The following PTPN4 variants were observed in gnomAD, a reference collection of about 807,000 sequenced individuals.
The protein encoded by PTPN4 is tyrosine-protein phosphatase non-receptor type 4.
PTPN4 carries 49 observed loss-of-function variants against 135.5 expected under a neutral mutation model. The observed-to-expected ratio is 0.36, with a 90% confidence interval of 0.29 to 0.46. The LOEUF (loss-of-function observed/expected upper bound fraction) is 0.46, where lower values mean the gene tolerates loss of function less well. Among genes scored for constraint, PTPN4 ranks in the 20% least tolerant of loss-of-function variants. The pLI is 1.00. For missense variants in PTPN4, 860 were observed against 1,101.0 expected (o/e 0.78, Z 3.10); for synonymous variants, 333 against 369.9 (o/e 0.90, Z 1.14).
Position 119,932,586 on chromosome 2 carries a change from T to A in PTPN4, c.1196+37T>A, listed in dbSNP as rs764874668. ...TTTTGTGACCAACATCAGGTGTGAA[T>A]TTTGCTAATTTCTAATTATTGGCTG... On this transcript the variant is annotated intron_variant, in intron 14 of 26. Transcript: ENST00000263708. 3.1e-5 allele frequency: 47 copies of A among 1,536,196 alleles called. No homozygotes were observed. In the South Asian group the frequency reaches 5.5e-4, roughly 18 times the overall value.
intron 2 of PTPN4, among the ~76,000 whole-genome samples, chr2:119,837,733 C>T (rs183054539): frequency 6.6e-6 from 1 of 152,362 alleles, no homozygotes; most frequent in East Asian, 1.9e-4. Flanking sequence ...GAAACCCAGA[C>T]CTGTGACACC....
At chr2:119,837,264 T>G (rs1677308569) in intron 2 of PTPN4, among the ~76,000 whole-genome samples, 1 of 152,052 alleles carries the variant, frequency 6.6e-6, no homozygotes, top group Admixed American at 6.5e-5. Context: ...CCACTTTGGG[T>G]TAGGTCTCCT....
At chr2:119,856,161 G>T (rs183757271) in intron 2 of PTPN4, among the ~76,000 whole-genome samples, 13 of 152,160 alleles carry the variant, frequency 8.5e-5, no homozygotes, top group Non-Finnish European at 5.9e-5. Context: ...ACTCCCATCG[G>T]GACTTTCAAC....
intron 9 of PTPN4, among the ~76,000 whole-genome samples, chr2:119,886,118 C>G (rs565256787): frequency 6.6e-6 from 1 of 152,086 alleles, no homozygotes; most frequent in Non-Finnish European, 1.5e-5. Context: ...ATAATTTTTA[C>G]AGACCGTAAG....
chr2:119,915,189 G>A lies in PTPN4; in HGVS notation c.775G>A (p.Val259Ile), dbSNP rs532249736. ...TTGTCTTTTGTCCAGGTTGAAGATT[G>A]TAAAAATTTCTTTTAAGTGCAAACA... ...RMNTFPWLKI[V>I]KISFKCKQFF... Residue 259 changes from valine to isoleucine, a missense_variant, in exon 11 of 27, where the codon GTA becomes ATA. Val to Ile is a conservative substitution (Grantham distance 29, BLOSUM62 3). Around this residue, in one of 2 missense-constraint regions of PTPN4, gnomAD observed 684 missense variants for 807.0 expected, o/e 0.85. Transcript: ENST00000263708. 6 of 1,542,064 alleles carry A rather than the reference G, an allele frequency of 3.9e-6. No individual in the cohort carries two copies. In the South Asian group the frequency reaches 7.4e-5, roughly 19 times the overall value.
chr2:119,969,107 T>G (rs1229317666), intron 26 of PTPN4, among the ~76,000 whole-genome samples: 1 of 152,160 alleles, frequency 6.6e-6, no homozygotes, highest in Non-Finnish European at 1.5e-5. Flanking sequence ...CACTGCAGCC[T>G]CAGCCTCCCA....
chr2:119,946,301 G>A, intron 16 of PTPN4, 40 bp from the exon 17 acceptor site: 1 of 1,440,768 alleles, frequency 6.9e-7, no homozygotes, highest in Non-Finnish European at 9.6e-7. Flanking sequence ...TAGATTTTAA[G>A]TGAAGAAAAT....
chr2:119,763,666 A>C (rs891255315), intron 1 of PTPN4, among the ~76,000 whole-genome samples: 11 of 152,182 alleles, frequency 7.2e-5, no homozygotes, highest in Admixed American at 7.2e-4. Context: ...ACTTTATTGA[A>C]GTATAATTGA....
chr2:119,844,673 C>T (rs1278345483), intron 2 of PTPN4, among the ~76,000 whole-genome samples: 2 of 151,514 alleles, frequency 1.3e-5, no homozygotes, highest in African/African-American at 4.9e-5. Context: ...GGCAGAGATG[C>T]TCCTCACTTC....
chr2:119,826,620 C>G (rs1489083596), intron 2 of PTPN4, among the ~76,000 whole-genome samples: 1 of 152,150 alleles, frequency 6.6e-6, no homozygotes, highest in Non-Finnish European at 1.5e-5. Flanking sequence ...CAATCCCTCC[C>G]CTATCCCCCA....
intron 2 of PTPN4, among the ~76,000 whole-genome samples, chr2:119,844,996 A>G (rs1044530837): frequency 2.0e-4 from 30 of 150,066 alleles, no homozygotes; most frequent in African/African-American, 6.3e-4. Context: ...TCCATCTGCA[A>G]TCCCGGCACC....
chr2:119,937,955 A>G (rs1417865397), intron 15 of PTPN4, among the ~76,000 whole-genome samples: 1 of 150,298 alleles, frequency 6.7e-6, no homozygotes, highest in Non-Finnish European at 1.5e-5. Flanking sequence ...AAAAACCAAA[A>G]CCAAAAAAAA....
At position 119,920,242 on chromosome 2, in the gene PTPN4, G is replaced by GT; in HGVS notation, c.1001+2dup. On this transcript the variant is annotated splice_donor_variant, in intron 12 of 26. Transcript: ENST00000263708. LOFTEE classifies it high-confidence loss of function. ...CATTAGGTTCAAAATTCCGGTACTG[G>GT]TAAGTATTGCTTCTGTGTTAAGGCT... 1 of 1,604,140 alleles carries GT rather than the reference G, an allele frequency of 6.2e-7. No homozygotes were observed.
At chr2:119,791,533 A>G (rs935263087) in intron 1 of PTPN4, among the ~76,000 whole-genome samples, 6 of 152,082 alleles carry the variant, frequency 3.9e-5, no homozygotes, top group African/African-American at 1.4e-4. Flanking sequence ...ATTATTCCTC[A>G]TTTTCTAAAG....
chr2:119,842,906 C>G (rs1353262109), intron 2 of PTPN4, among the ~76,000 whole-genome samples: 1 of 151,998 alleles, frequency 6.6e-6, no homozygotes, highest in Non-Finnish European at 1.5e-5. Flanking sequence ...TTTTACATGT[C>G]TAGATTCATG....
chr2:119,960,229 A>T lies in PTPN4; in HGVS notation c.2134-578A>T, dbSNP rs969705246. On this transcript the variant is annotated intron_variant, in intron 22 of 26. Transcript: ENST00000263708. ...TATATCACCTTTTTAAAAAAAATTT[A>T]ATCTCAAAATGTAGTAGGATAATGA... Among the ~76,000 whole-genome samples the T allele has an allele frequency of 2.0e-5, 3 of 152,292 alleles. No homozygotes were observed. The East Asian group carries it at 5.8e-4, about 29-fold the overall frequency.
intron 2 of PTPN4, among the ~76,000 whole-genome samples, chr2:119,841,606 A>G (rs1677382733): frequency 6.6e-6 from 1 of 152,160 alleles, no homozygotes; most frequent in Non-Finnish European, 1.5e-5. Flanking sequence ...TTGCTAGCTC[A>G]AAAGGATTTA....
chr2:119,890,746 G>A (rs187243508), intron 9 of PTPN4, among the ~76,000 whole-genome samples: 6 of 152,100 alleles, frequency 3.9e-5, no homozygotes, highest in African/African-American at 1.4e-4. Context: ...CCAAGTTTAG[G>A]ACTTTCTTGA....
At chr2:119,903,454 A>C (rs542523072) in intron 10 of PTPN4, among the ~76,000 whole-genome samples, 2 of 152,014 alleles carry the variant, frequency 1.3e-5, no homozygotes, top group South Asian at 4.2e-4. Flanking sequence ...GAGGGCCCTC[A>C]CGTGACATCC....
Sources: gnomAD v4.1 joint callset for allele counts (sites outside exome capture counted in the v4.1 genomes callset) on GRCh38, gnomAD v4.1.1 for gene constraint, gnomAD v4.1.1 regional missense constraint, MANE v1.5 for transcripts, NCBI Gene and HGNC (gene_info 2026-07-23, HGNC 2026-07-21) for gene names.